The following PTPN21 variants were observed in gnomAD, a reference collection of about 807,000 sequenced individuals.
PTPN21 encodes tyrosine-protein phosphatase non-receptor type 21.
Under a neutral mutation model 131.8 loss-of-function variants are expected in PTPN21, and 77 were observed. The ratio of observed to expected loss-of-function variants is 0.58; its 90% CI spans 0.49 to 0.71. The LOEUF (loss-of-function observed/expected upper bound fraction) is 0.71, where lower values mean the gene tolerates loss of function less well. PTPN21 is among the 30% of genes least tolerant of loss of function. The probability of loss-of-function intolerance (pLI) is 0.00; values close to 1 mark genes in which losing one functional copy is unlikely to be tolerated. For synonymous variants in PTPN21, 715 were observed against 621.3 expected (o/e 1.15, Z -2.24); for missense variants, 1,552 against 1,527.1 (o/e 1.02, Z -0.27).
chr14:88,485,984 G>C, intron 10 of PTPN21, 142 bp from the exon 11 acceptor site: 3 of 602,012 alleles, frequency 5.0e-6, no homozygotes, highest in Admixed American at 6.1e-5. Flanking sequence ...TCAAAGAAAA[G>C]AAGGGAGGTT....
chr14:88,538,034 A>G (rs2078654263), intron 2 of PTPN21, among the ~76,000 whole-genome samples: 1 of 152,250 alleles, frequency 6.6e-6, no homozygotes, highest in Non-Finnish European at 1.5e-5. Context: ...TGTGATATGC[A>G]GCACATGACT....
At chr14:88,470,174 CTG>C in intron 15 of PTPN21, 124 bp from the exon 16 acceptor site, 1 of 822,672 alleles carries the variant, frequency 1.2e-6, no homozygotes, top group East Asian at 2.7e-5. Context: ...AAGTAGTAAA[CTG>C]GATTATTCAG....
chr14:88,482,769 T>C (rs1393825556), intron 12 of PTPN21, among the ~76,000 whole-genome samples: 1 of 149,260 alleles, frequency 6.7e-6, no homozygotes, highest in Non-Finnish European at 1.5e-5. Flanking sequence ...GCCAGGAGAG[T>C]TTCCAGAAGG....
chr14:88,542,944 C>T (rs1215011829), intron 2 of PTPN21, among the ~76,000 whole-genome samples: 11 of 152,292 alleles, frequency 7.2e-5, no homozygotes, highest in Non-Finnish European at 1.3e-4. Context: ...TGAATAACTA[C>T]TTGGCCCAAA....
chr14:88,542,118 T>A (rs952502114), intron 2 of PTPN21, among the ~76,000 whole-genome samples: 8 of 152,340 alleles, frequency 5.3e-5, no homozygotes, highest in Non-Finnish European at 1.2e-4. Context: ...CTTTTGCTTA[T>A]TAGCTACGTA....
In PTPN21 at chr14:88,549,594, G is replaced by GT. The variant is rs201186930; in HGVS notation, c.180+643dup. ...CATGCGGGCCAGAGAAGCCTGTCGT[G>GT]TTTTTTTTATTTATTTTTAATTTTT... On this transcript the variant is annotated intron_variant, in intron 2 of 18. Coordinates refer to ENST00000556564, the MANE Select transcript of PTPN21 (RefSeq NM_007039.4). Among the ~76,000 whole-genome samples, 16 of 151,714 alleles carry GT rather than the reference G, an allele frequency of 1.1e-4. 1 individual carries two copies. Among genetic ancestry groups the GT allele is most frequent in the East Asian group, 1.9e-4 (1 of 5,142 alleles).
intron 2 of PTPN21, among the ~76,000 whole-genome samples, chr14:88,529,282 T>C (rs1348177710): frequency 2.0e-5 from 3 of 152,170 alleles, no homozygotes. Context: ...TTTATTGACT[T>C]GATATTAAAC....
At chr14:88,519,906 AT>A (rs1032151877) in intron 2 of PTPN21, among the ~76,000 whole-genome samples, 57 of 152,168 alleles carry the variant, frequency 3.7e-4, no homozygotes, top group African/African-American at 1.3e-3. Context: ...ACCATCACTA[AT>A]TTATGAAGTA....
At chr14:88,521,666 C>T (rs2078396186) in intron 2 of PTPN21, among the ~76,000 whole-genome samples, 1 of 151,452 alleles carries the variant, frequency 6.6e-6, no homozygotes, top group African/African-American at 2.4e-5. Context: ...CCGCCTCGGC[C>T]TCCCAAAGTG....
intron 2 of PTPN21, among the ~76,000 whole-genome samples, chr14:88,543,686 C>A (rs1032789823): frequency 1.3e-5 from 2 of 152,092 alleles, no homozygotes; most frequent in African/African-American, 4.8e-5. Context: ...TTGTGTGTAA[C>A]GCACTAAACA....
intron 3 of PTPN21, 70 bp from the exon 4 acceptor site, chr14:88,508,090 T>C: frequency 1.2e-6 from 1 of 805,996 alleles, no homozygotes; most frequent in Non-Finnish European, 2.0e-6. Context: ...CATTTAACCA[T>C]AATTTGGTAG....
chr14:88,495,667 G>T (rs116346797), intron 10 of PTPN21, among the ~76,000 whole-genome samples: 1 of 152,196 alleles, frequency 6.6e-6, no homozygotes, highest in East Asian at 1.9e-4. Context: ...AACCAGCAAA[G>T]GTGACTGAGA....
chr14:88,550,969 G>C (rs1365226609), intron 1 of PTPN21, among the ~76,000 whole-genome samples: 1 of 152,106 alleles, frequency 6.6e-6, no homozygotes, highest in Admixed American at 6.5e-5. Context: ...AACTCTTTCA[G>C]GTTGTAATAC....
At chr14:88,549,452 G>A (rs186952420) in intron 2 of PTPN21, among the ~76,000 whole-genome samples, 36 of 152,248 alleles carry the variant, frequency 2.4e-4, no homozygotes, top group South Asian at 4.2e-4. Flanking sequence ...GCACCCCAAG[G>A]GGAGACTTCT....
intron 2 of PTPN21, among the ~76,000 whole-genome samples, chr14:88,531,029 A>G (rs2078549328): frequency 6.6e-6 from 1 of 152,222 alleles, no homozygotes; most frequent in Non-Finnish European, 1.5e-5. Context: ...GATAGACCAT[A>G]TGATAGGCCA....
Position 88,465,952 on chromosome 14 carries a change from A to G in PTPN21, c.*2185T>C, listed in dbSNP as rs2077356159. 1 of 150,904 alleles carries G rather than the reference A, an allele frequency of 6.6e-6. No individual in the cohort carries two copies. Among genetic ancestry groups the G allele is most frequent in the African/African-American group, 2.5e-5 (1 of 40,260 alleles). 9.3% of individuals were successfully genotyped at this position (150,904 alleles called of 1,614,324 possible). A position where few individuals can be genotyped will look rare whatever the true frequency, so the allele number is the denominator to read the frequency against. On this transcript the variant is annotated 3_prime_UTR_variant, in exon 19 of 19. Coordinates refer to ENST00000556564, the MANE Select transcript of PTPN21 (RefSeq NM_007039.4). ...ATCAAATTATTACAACAGGAACACA[A>G]ATAGACCACATATTACTCTTTAATT...
intron 10 of PTPN21, among the ~76,000 whole-genome samples, chr14:88,486,451 T>G (rs1193901008): frequency 6.6e-6 from 1 of 152,154 alleles, no homozygotes; most frequent in African/African-American, 2.4e-5. Context: ...ACCCGCCTCT[T>G]GGGAGCATCT....
chr14:88,473,972 G>C (rs1382156907), intron 13 of PTPN21, 170 bp from the exon 14 acceptor site: 1 of 557,076 alleles, frequency 1.8e-6, no homozygotes, highest in African/African-American at 2.0e-5. Flanking sequence ...AACATTAGTA[G>C]GAAGACATTC....
chr14:88,508,152 T>G (rs58307923), intron 3 of PTPN21, 132 bp from the exon 4 acceptor site: 7,408 of 166,882 alleles, frequency 0.044, 382 homozygotes, highest in African/African-American at 0.27. Context: ...TTGTGTGTGT[T>G]TTTTTTTTTT....
Sources: allele counts gnomAD v4.1 joint callset (sites outside exome capture counted in the v4.1 genomes callset), GRCh38; gene constraint gnomAD v4.1.1; transcripts MANE v1.5; gene names NCBI Gene and HGNC (gene_info 2026-07-23, HGNC 2026-07-21).